Variants in ADAMTSL1 observed in about 807,000 individuals in gnomAD.
ADAMTSL1 encodes the protein ADAMTS like 1, also known as ADAMTS-like protein 1.
A neutral mutation model predicts 201.8 loss-of-function variants in ADAMTSL1; 126 were observed. The ratio of observed to expected loss-of-function variants is 0.62; its 90% CI spans 0.54 to 0.72. The LOEUF (loss-of-function observed/expected upper bound fraction) is 0.72. ADAMTSL1 is among the 30% of genes least tolerant of loss of function. ADAMTSL1 has a pLI of 0.00. For synonymous variants in ADAMTSL1, 1,121 were observed against 903.4 expected, an observed-to-expected ratio of 1.24 and a Z score of -4.32; for missense variants, 2,679 against 2,277.8, an observed-to-expected ratio of 1.18 and a Z score of -3.59.
chr9:18,543,904 T>C (rs998222002), intron 3 of ADAMTSL1, among the ~76,000 whole-genome samples: 7 of 152,148 alleles, frequency 4.6e-5, no homozygotes, highest in Admixed American at 2.6e-4. Context: ...TTTTCTGACA[T>C]GTCTTTATTT....
At chr9:18,012,952 T>C (rs1415359007) in intron 1 of ADAMTSL1, among the ~76,000 whole-genome samples, 1 of 151,984 alleles carries the variant, frequency 6.6e-6, no homozygotes, top group East Asian at 1.9e-4. Flanking sequence ...ATAGTTCTCT[T>C]TATTTTGGGC....
chr9:18,718,489 G>C (rs62551693), intron 14 of ADAMTSL1: 2 of 568,416 alleles, frequency 3.5e-6, no homozygotes, highest in Non-Finnish European at 7.0e-6. Context: ...ACTTTCCAAC[G>C]CCTCCTGGGC....
intron 2 of ADAMTSL1, among the ~76,000 whole-genome samples, chr9:18,318,040 G>C (rs1438067176): frequency 6.6e-6 from 1 of 152,128 alleles, no homozygotes; most frequent in Admixed American, 6.5e-5. Context: ...CTGAGCCTCT[G>C]TTTTCTTTTC....
intron 25 of ADAMTSL1, 117 bp downstream of exon 25, chr9:18,889,865 G>A: frequency 9.3e-7 from 1 of 1,079,578 alleles, no homozygotes; most frequent in Non-Finnish European, 1.2e-6. Context: ...CAGCCAAGGA[G>A]CTGTTCTTCC....
Position 18,122,904 on chromosome 9 carries a change from A to C in ADAMTSL1, c.88-40958A>C, listed in dbSNP as rs371689876. 2.0e-5 allele frequency among the ~76,000 whole-genome samples: 3 copies of C among 151,896 alleles called. No individual in the cohort carries two copies. In the East Asian group the frequency reaches 5.8e-4, roughly 30 times the overall value. ...TTGGTGTGTACCTCCACACCTGGCT[A>C]ATTTTTGTACTTTTTGTCAAGATGG... On this transcript the variant is annotated intron_variant, in intron 1 of 29. Coordinates refer to the ADAMTSL1 transcript ENST00000680146.
intron 23 of ADAMTSL1, among the ~76,000 whole-genome samples, chr9:18,847,900 C>G (rs537619124): frequency 6.6e-6 from 1 of 152,328 alleles, no homozygotes; most frequent in South Asian, 2.1e-4. Context: ...TATAAATGCT[C>G]ACATTTATAA....
chr9:18,034,115 A>C (rs1305790188), intron 1 of ADAMTSL1, among the ~76,000 whole-genome samples: 2 of 152,268 alleles, frequency 1.3e-5, no homozygotes, highest in East Asian at 3.9e-4. Context: ...TTCTACAAGC[A>C]TACTTTTCTC....
intron 1 of ADAMTSL1, among the ~76,000 whole-genome samples, chr9:17,980,885 C>T (rs1194739754): frequency 6.6e-6 from 1 of 152,244 alleles, no homozygotes; most frequent in Non-Finnish European, 1.5e-5. Flanking sequence ...GGCTTCTGCC[C>T]ATGCAGAAGG....
At chr9:18,904,259 A>T (rs1029183648) in intron 26 of ADAMTSL1, among the ~76,000 whole-genome samples, 3 of 152,112 alleles carry the variant, frequency 2.0e-5, no homozygotes, top group Non-Finnish European at 4.4e-5. Flanking sequence ...ACCTGAGGTC[A>T]AGAATTCAAA....
At chr9:18,463,479 C>T (rs1820885210) in intron 2 of ADAMTSL1, among the ~76,000 whole-genome samples, 2 of 152,246 alleles carry the variant, frequency 1.3e-5, no homozygotes, top group East Asian at 1.9e-4. Context: ...TCATCTCCAT[C>T]TATCTTCAGG....
chr9:18,183,076 A>G (rs1382877420), intron 2 of ADAMTSL1, among the ~76,000 whole-genome samples: 1 of 152,186 alleles, frequency 6.6e-6, no homozygotes, highest in Non-Finnish European at 1.5e-5. Context: ...TCTTTCTGCC[A>G]AAAGTGTCCT....
intron 1 of ADAMTSL1, among the ~76,000 whole-genome samples, chr9:17,976,222 T>C (rs530291853): frequency 1.6e-4 from 15 of 92,510 alleles, no homozygotes; most frequent in African/African-American, 5.1e-4. Context: ...TGTGATTTCA[T>C]AAAAATTTAG....
At chr9:18,431,759 A>C (rs1819501895) in intron 2 of ADAMTSL1, among the ~76,000 whole-genome samples, 1 of 152,060 alleles carries the variant, frequency 6.6e-6, no homozygotes, top group African/African-American at 2.4e-5. Flanking sequence ...CCCATGACCA[A>C]TCCTTACCCA....
intron 21 of ADAMTSL1, among the ~76,000 whole-genome samples, chr9:18,825,560 A>G (rs1824494179): frequency 1.3e-5 from 2 of 151,944 alleles, no homozygotes; most frequent in Admixed American, 6.6e-5. Flanking sequence ...CATATATTTT[A>G]ACGTTGTATA....
chr9:18,187,020 G>C (rs995955351), intron 2 of ADAMTSL1, among the ~76,000 whole-genome samples: 1 of 152,140 alleles, frequency 6.6e-6, no homozygotes, highest in Non-Finnish European at 1.5e-5. Context: ...TGGAAAGATA[G>C]CACTAGTGGA....
chr9:18,384,283 C>T (rs528395530), intron 2 of ADAMTSL1, among the ~76,000 whole-genome samples: 2 of 152,192 alleles, frequency 1.3e-5, no homozygotes, highest in South Asian at 4.2e-4. Flanking sequence ...GGAAGTGCCA[C>T]ACACTTTTAA....
intron 5 of ADAMTSL1, among the ~76,000 whole-genome samples, chr9:18,626,228 C>T (rs1281383941): frequency 6.6e-6 from 1 of 152,156 alleles, no homozygotes; most frequent in Non-Finnish European, 1.5e-5. Flanking sequence ...AGACAAAATC[C>T]ATTTATCTTC....
At chr9:18,648,970 T>C (rs998430945) in intron 7 of ADAMTSL1, among the ~76,000 whole-genome samples, 1 of 152,192 alleles carries the variant, frequency 6.6e-6, no homozygotes, top group African/African-American at 2.4e-5. Flanking sequence ...CTGGATAATA[T>C]CCTGCAGAGT....
chr9:18,287,544 A>G (rs985712348), intron 2 of ADAMTSL1, among the ~76,000 whole-genome samples: 3 of 150,800 alleles, frequency 2.0e-5, no homozygotes, highest in Non-Finnish European at 4.4e-5. Flanking sequence ...TAAAATACAT[A>G]TACATACATG....
Sources: allele counts gnomAD v4.1 joint callset (sites outside exome capture counted in the v4.1 genomes callset), GRCh38; gene constraint gnomAD v4.1.1; transcripts MANE v1.5; gene names NCBI Gene and HGNC (gene_info 2026-07-23, HGNC 2026-07-21).